GPHN: variants seen among roughly 807,000 people sequenced by gnomAD.
GPHN encodes gephyrin.
Under a neutral mutation model 95.5 loss-of-function variants are expected in GPHN, and 17 were observed. The ratio of observed to expected loss-of-function variants is 0.18; its 90% CI spans 0.12 to 0.27. GPHN has a LOEUF of 0.27. Ranked by LOEUF, GPHN falls within the 10% of genes least tolerant of loss-of-function variation. The pLI is 1.00. For missense variants in GPHN, 660 were observed against 978.1 expected (o/e 0.67, Z 4.34); for synonymous variants, 320 against 322.5 (o/e 0.99, Z 0.08).
the GPHN span, chr14:67,392,717 C>T: frequency 4.8e-4 from 768 of 1,614,196 alleles, 3 homozygotes; most frequent in African/African-American, 5.9e-3. Context: ...ATCCCCAGAG[C>T]GAATGGCTCC....
chr14:67,535,623 G>A, the GPHN span, among the ~76,000 whole-genome samples: 10 of 151,980 alleles, frequency 6.6e-5, no homozygotes, highest in East Asian at 3.9e-4. Context: ...CAGGTAAGCC[G>A]CCTGCCTCCA....
At chr14:66,554,521 G>C (rs927795745) in intron 1 of GPHN, among the ~76,000 whole-genome samples, 5 of 152,176 alleles carry the variant, frequency 3.3e-5, no homozygotes, top group Admixed American at 6.5e-5. Flanking sequence ...GCAGGAGAGA[G>C]TGGAATGAGA....
the GPHN span, among the ~76,000 whole-genome samples, chr14:67,201,161 C>T: frequency 6.6e-6 from 1 of 152,096 alleles, no homozygotes; most frequent in Non-Finnish European, 1.5e-5. Flanking sequence ...GGGTGCAGTG[C>T]TGCACACCTG....
chr14:66,549,463 G>A (rs1450265361), intron 1 of GPHN, among the ~76,000 whole-genome samples: 1 of 152,278 alleles, frequency 6.6e-6, no homozygotes, highest in East Asian at 1.9e-4. Flanking sequence ...GTCAAGAGTG[G>A]TATGGAAATT....
At chr14:66,629,211 A>G (rs1213642184) in intron 1 of GPHN, among the ~76,000 whole-genome samples, 1 of 142,926 alleles carries the variant, frequency 7.0e-6, no homozygotes, top group Non-Finnish European at 1.5e-5. Context: ...ATATATATTT[A>G]TATACATATA....
chr14:67,602,550 A>G, the GPHN span, among the ~76,000 whole-genome samples: 1 of 152,248 alleles, frequency 6.6e-6, no homozygotes, highest in South Asian at 2.1e-4. Context: ...CATCACTCAG[A>G]GATAAGTACT....
chr14:67,367,590 C>T, the GPHN span, among the ~76,000 whole-genome samples: 3 of 152,240 alleles, frequency 2.0e-5, no homozygotes, highest in African/African-American at 7.2e-5. Context: ...AAATACGGTG[C>T]ATGGAATGGA....
the GPHN span, among the ~76,000 whole-genome samples, chr14:67,560,974 G>T: frequency 0.014 from 2,145 of 152,116 alleles, 54 homozygotes; most frequent in African/African-American, 0.049. Context: ...CAGGTGATCT[G>T]CCCGCCTCAG....
intron 4 of GPHN, among the ~76,000 whole-genome samples, chr14:66,831,169 A>G (rs1265428226): frequency 6.6e-6 from 1 of 152,134 alleles, no homozygotes; most frequent in East Asian, 1.9e-4. Context: ...CATTTTCACA[A>G]TCAGAAAACA....
At chr14:67,056,034 A>G (rs2075550505) in intron 10 of GPHN, among the ~76,000 whole-genome samples, 1 of 152,216 alleles carries the variant, frequency 6.6e-6, no homozygotes, top group Non-Finnish European at 1.5e-5. Context: ...GCACGGACCC[A>G]AAGAGTGAGC....
At chr14:66,559,565 C>T (rs1367344877) in intron 1 of GPHN, among the ~76,000 whole-genome samples, 2 of 151,726 alleles carry the variant, frequency 1.3e-5, no homozygotes, top group Admixed American at 6.6e-5. Flanking sequence ...TCATGTCCTA[C>T]ACCCAGTTTT....
the GPHN span, among the ~76,000 whole-genome samples, chr14:67,257,643 C>T: frequency 1.6e-4 from 24 of 151,772 alleles, no homozygotes; most frequent in Non-Finnish European, 5.9e-5. Flanking sequence ...AACATACACA[C>T]GTATTTTATA....
chr14:66,855,731 TTATAC>T (rs1386740202), intron 4 of GPHN, among the ~76,000 whole-genome samples: 3 of 152,138 alleles, frequency 2.0e-5, no homozygotes, highest in Non-Finnish European at 4.4e-5. Context: ...GTTTTAGTTC[TTATAC>T]TATAGATAAA....
chr14:67,279,675 G>A, the GPHN span: 5 of 804,808 alleles, frequency 6.2e-6, no homozygotes, highest in South Asian at 2.9e-5. Context: ...CTTTGTTTTC[G>A]TGGAAACGCC....
chr14:67,709,702 A>G, the GPHN span, among the ~76,000 whole-genome samples: 5 of 152,192 alleles, frequency 3.3e-5, no homozygotes, highest in Non-Finnish European at 7.3e-5. Context: ...GGCATCTTCT[A>G]CCAGGCCTGA....
the GPHN span, chr14:67,593,721 T>G: frequency 6.7e-7 from 1 of 1,493,530 alleles, no homozygotes; most frequent in African/African-American, 1.4e-5. Context: ...AGGCCTGTAA[T>G]ACTTACCTTT....
At chr14:66,529,595 T>TCCCCAGACTGGAGTGCA (rs2058830802) in intron 1 of GPHN, among the ~76,000 whole-genome samples, 1 of 151,998 alleles carries the variant, frequency 6.6e-6, no homozygotes, top group Non-Finnish European at 1.5e-5. Context: ...TCCCTATCTT[T>TCCCCAGACTGGAGTGCA]GTGGATTTAT....
chr14:67,119,099 C>CTT (rs1176930037), intron 16 of GPHN, among the ~76,000 whole-genome samples: 1 of 152,148 alleles, frequency 6.6e-6, no homozygotes, highest in African/African-American at 2.4e-5. Context: ...CACAGTCAGT[C>CTT]TTATCTTCAG....
At chr14:67,542,105 C>CCCCATAT in the GPHN span, 1 of 1,010,568 alleles carries the variant, frequency 9.9e-7, no homozygotes, top group Non-Finnish European at 1.4e-6. Context: ...AGATGCTTTT[C>CCCCATAT]CCCATATGCA....
Sources: gnomAD v4.1 joint callset for allele counts (sites outside exome capture counted in the v4.1 genomes callset) on GRCh38, gnomAD v4.1.1 for gene constraint, MANE v1.5 for transcripts, NCBI Gene and HGNC (gene_info 2026-07-23, HGNC 2026-07-21) for gene names.